Variants in ABTB3 observed in about 807,000 individuals in gnomAD.
The protein encoded by ABTB3 is ankyrin repeat and BTB domain containing 3.
chr12:107,332,352 T>C, the ABTB3 span, among the ~76,000 whole-genome samples: 1 of 152,218 alleles, frequency 6.6e-6, no homozygotes, highest in African/African-American at 2.4e-5. Flanking sequence ...GGCACCATTT[T>C]AGGTAATGGA....
At chr12:107,407,556 G>A in the ABTB3 span, among the ~76,000 whole-genome samples, 3 of 152,200 alleles carry the variant, frequency 2.0e-5, no homozygotes, top group South Asian at 2.1e-4. Context: ...GCAAGGCCTC[G>A]TCAGCCTTGA....
chr12:107,502,168 G>A, the ABTB3 span, among the ~76,000 whole-genome samples: 5 of 151,908 alleles, frequency 3.3e-5, no homozygotes, highest in African/African-American at 1.2e-4. Flanking sequence ...GGGTTCAAGC[G>A]ATTCTTGTGC....
the ABTB3 span, among the ~76,000 whole-genome samples, chr12:107,585,816 C>T: frequency 6.6e-6 from 1 of 152,090 alleles, no homozygotes; most frequent in Non-Finnish European, 1.5e-5. Flanking sequence ...TGAGGCCTGC[C>T]CGACCCACAC....
At chr12:107,363,652 T>C in the ABTB3 span, among the ~76,000 whole-genome samples, 4 of 152,230 alleles carry the variant, frequency 2.6e-5, no homozygotes, top group African/African-American at 9.6e-5. Flanking sequence ...TTTTTAGTTG[T>C]AATTGCCATA....
At chr12:107,438,135 G>A in the ABTB3 span, among the ~76,000 whole-genome samples, 2 of 152,130 alleles carry the variant, frequency 1.3e-5, no homozygotes, top group Non-Finnish European at 2.9e-5. Context: ...ACAACCAGGC[G>A]CCGAGGCATC....
the ABTB3 span, among the ~76,000 whole-genome samples, chr12:107,562,365 G>A: frequency 1.3e-5 from 2 of 152,246 alleles, no homozygotes; most frequent in African/African-American, 4.8e-5. Context: ...TTTCTCTAAG[G>A]AGACAGCATT....
the ABTB3 span, among the ~76,000 whole-genome samples, chr12:107,464,550 A>G: frequency 1.3e-5 from 2 of 152,080 alleles, no homozygotes; most frequent in Non-Finnish European, 2.9e-5. Flanking sequence ...ACCTCAAGCA[A>G]TTCTTCTGCC....
At chr12:107,575,645 A>T in the ABTB3 span, among the ~76,000 whole-genome samples, 24 of 152,248 alleles carry the variant, frequency 1.6e-4, 1 homozygote, top group African/African-American at 5.8e-4. Flanking sequence ...GACTGCCTGC[A>T]TTACCTAGCT....
At chr12:107,603,772 G>C in the ABTB3 span, among the ~76,000 whole-genome samples, 3 of 152,188 alleles carry the variant, frequency 2.0e-5, no homozygotes, top group East Asian at 5.8e-4. Context: ...CACAACTTAT[G>C]GAATGGGAGA....
the ABTB3 span, among the ~76,000 whole-genome samples, chr12:107,494,710 A>C: frequency 2.6e-5 from 4 of 152,160 alleles, no homozygotes; most frequent in Non-Finnish European, 5.9e-5. Flanking sequence ...TATTCCCAAC[A>C]GGCCTTCCAC....
At chr12:107,608,512 A>C in the ABTB3 span, among the ~76,000 whole-genome samples, 1 of 152,066 alleles carries the variant, frequency 6.6e-6, no homozygotes, top group African/African-American at 2.4e-5. Flanking sequence ...GTGTCTCAAC[A>C]CCATACTTTT....
At chr12:107,591,168 C>T in the ABTB3 span, among the ~76,000 whole-genome samples, 1 of 152,226 alleles carries the variant, frequency 6.6e-6, no homozygotes, top group Non-Finnish European at 1.5e-5. Flanking sequence ...TTAAGAACCA[C>T]CAGATTGAAT....
chr12:107,543,220 C>T, the ABTB3 span, among the ~76,000 whole-genome samples: 3 of 151,432 alleles, frequency 2.0e-5, no homozygotes. Context: ...CCTGTAGTCC[C>T]AGCTACTCAA....
At chr12:107,659,040 C>T in the ABTB3 span, 1 of 152,360 alleles carries the variant, frequency 6.6e-6, no homozygotes, top group South Asian at 2.1e-4. Context: ...GGCCTTTCTT[C>T]TCGTTCTTTA....
At chr12:107,534,211 T>TA in the ABTB3 span, among the ~76,000 whole-genome samples, 18,066 of 139,814 alleles carry the variant, frequency 0.13, 1,241 homozygotes, top group African/African-American at 0.19. Flanking sequence ...CCCTGTCTCT[T>TA]AAAAAAAAAA....
the ABTB3 span, among the ~76,000 whole-genome samples, chr12:107,386,357 G>A: frequency 6.6e-6 from 1 of 152,340 alleles, no homozygotes; most frequent in South Asian, 2.1e-4. Context: ...ACATGCCTCA[G>A]TGAGGGCAGG....
At chr12:107,657,836 C>T in the ABTB3 span, 2 of 956,966 alleles carry the variant, frequency 2.1e-6, no homozygotes, top group East Asian at 5.1e-5. Context: ...AAGGAGCTGC[C>T]TCTACTGCTC....
the ABTB3 span, among the ~76,000 whole-genome samples, chr12:107,559,422 T>TGCAAACTGAGGCTGGCCCAGC: frequency 4.6e-5 from 7 of 151,904 alleles, no homozygotes; most frequent in African/African-American, 1.7e-4. Context: ...AGCTGCCCAG[T>TGCAAACTGAGGCTGGCCCAGC]GCAAACTGAG....
the ABTB3 span, among the ~76,000 whole-genome samples, chr12:107,459,689 A>C: frequency 9.8e-5 from 15 of 152,332 alleles, no homozygotes; most frequent in African/African-American, 3.1e-4. Context: ...GAGGCCAGTT[A>C]TCAGACCCTA....
Sources: gnomAD v4.1 joint callset for allele counts (sites outside exome capture counted in the v4.1 genomes callset) on GRCh38, gnomAD v4.1.1 for gene constraint, MANE v1.5 for transcripts, NCBI Gene and HGNC (gene_info 2026-07-23, HGNC 2026-07-21) for gene names.